PTPRA: variants seen among roughly 807,000 people sequenced by gnomAD.
PTPRA encodes receptor-type tyrosine-protein phosphatase alpha.
In PTPRA, 25 loss-of-function variants were observed where a neutral mutation model predicts 104.8. The observed-to-expected ratio is 0.24, with a 90% CI of 0.17 to 0.33. The LOEUF is 0.33. Ranked by LOEUF, PTPRA falls within the 10% of genes least tolerant of loss-of-function variation. PTPRA has a pLI of 1.00. For missense variants in PTPRA, 765 were observed against 1,015.3 expected (o/e 0.75, Z 3.35); for synonymous variants, 323 against 368.9 (o/e 0.88, Z 1.43).
rs71195806 is a variant in PTPRA at position 2,958,658 on chromosome 20, T to TAAA, written c.-6-5589_-6-5587dup. ...CAACATGGTGAAACCCCATCTCTAC[T>TAAA]AAAAAAAAAAAAAAAAAAAAAAAAA... On this transcript the variant is annotated intron_variant, in intron 3 of 23. Transcript: ENST00000399903. Among the ~76,000 whole-genome samples the TAAA allele has an allele frequency of 2.5e-3, 156 of 62,262 alleles. 5 individuals carry two copies. The highest frequency in any genetic ancestry group is 0.015 in the Middle Eastern group (1 of 68). 40.8% of individuals were successfully genotyped at this position (62,262 alleles called of 152,430 possible). A position where few individuals can be genotyped will look rare whatever the true frequency, so the allele number is the denominator to read the frequency against.
chr20:2,980,138 C>G (rs2062610460), intron 6 of PTPRA, among the ~76,000 whole-genome samples: 1 of 151,192 alleles, frequency 6.6e-6, no homozygotes, highest in Non-Finnish European at 1.5e-5. Context: ...TCTTAAACTA[C>G]CAACCTCAGG....
intron 11 of PTPRA, among the ~76,000 whole-genome samples, chr20:3,008,728 T>TC: frequency 1.6e-5 from 1 of 63,670 alleles, no homozygotes; most frequent in Non-Finnish European, 3.4e-5. Context: ...TCATCTCTAC[T>TC]AAAAAAAAAA....
intron 5 of PTPRA, among the ~76,000 whole-genome samples, chr20:2,970,232 A>G (rs2062129243): frequency 6.6e-6 from 1 of 152,170 alleles, no homozygotes; most frequent in Non-Finnish European, 1.5e-5. Context: ...GTCATTTCAG[A>G]CACATATGAG....
chr20:3,019,914 A>G (rs2064762014), intron 13 of PTPRA, among the ~76,000 whole-genome samples: 1 of 152,078 alleles, frequency 6.6e-6, no homozygotes, highest in Non-Finnish European at 1.5e-5. Flanking sequence ...TCCACCAAAA[A>G]AATACGAAAA....
chr20:2,938,996 G>A (rs2060806664), intron 2 of PTPRA, among the ~76,000 whole-genome samples: 1 of 152,098 alleles, frequency 6.6e-6, no homozygotes, highest in Non-Finnish European at 1.5e-5. Flanking sequence ...TGAGATTCTG[G>A]TTCCTGTTTA....
intron 1 of PTPRA, among the ~76,000 whole-genome samples, chr20:2,894,627 A>G (rs1275214169): frequency 6.6e-6 from 1 of 150,788 alleles, no homozygotes; most frequent in South Asian, 2.1e-4. Context: ...TTTTTAGCCC[A>G]CTGTGCTACC....
At chr20:3,029,871 G>A (rs1353359554) in intron 20 of PTPRA, among the ~76,000 whole-genome samples, 1 of 152,048 alleles carries the variant, frequency 6.6e-6, no homozygotes, top group East Asian at 1.9e-4. Context: ...TGGGAGGTTC[G>A]GTTAAGGTGC....
chr20:3,029,265 A>G (rs886881816), intron 20 of PTPRA, among the ~76,000 whole-genome samples: 3 of 150,324 alleles, frequency 2.0e-5, no homozygotes, highest in African/African-American at 7.3e-5. Flanking sequence ...ATAGCCCTCC[A>G]AGTAGCTAGG....
the PTPRA span, chr20:2,866,425 C>A: frequency 6.2e-7 from 1 of 1,614,144 alleles, no homozygotes; most frequent in Non-Finnish European, 8.5e-7. Context: ...TTGCTCAAAC[C>A]ACAGCGATGT....
chr20:3,030,667 C>T (rs1188364131), intron 20 of PTPRA, among the ~76,000 whole-genome samples: 2 of 144,530 alleles, frequency 1.4e-5, no homozygotes, highest in African/African-American at 5.1e-5. Flanking sequence ...TTTTAATTAT[C>T]TCCCTCTGCT....
chr20:2,938,373 A>G (rs558901441), intron 2 of PTPRA, among the ~76,000 whole-genome samples: 1 of 152,048 alleles, frequency 6.6e-6, no homozygotes, highest in East Asian at 1.9e-4. Context: ...TTTAGTACAG[A>G]TGGGGTTTCA....
At chr20:2,965,315 G>T in intron 5 of PTPRA, 113 bp downstream of exon 5, 1 of 1,077,044 alleles carries the variant, frequency 9.3e-7, no homozygotes, top group African/African-American at 1.6e-5. Flanking sequence ...AATTGCTCAA[G>T]TGAAGTAATG....
At chr20:2,913,403 A>G (rs755243904) in intron 1 of PTPRA, among the ~76,000 whole-genome samples, 9 of 152,084 alleles carry the variant, frequency 5.9e-5, no homozygotes, top group Non-Finnish European at 1.3e-4. Flanking sequence ...ATAAATCTGG[A>G]GTTTAATACC....
intron 1 of PTPRA, among the ~76,000 whole-genome samples, chr20:2,885,036 C>T (rs946582841): frequency 3.3e-5 from 5 of 152,064 alleles, no homozygotes; most frequent in Non-Finnish European, 5.9e-5. Flanking sequence ...GTCTCGACCT[C>T]GTGATCCGCC....
intron 1 of PTPRA, among the ~76,000 whole-genome samples, chr20:2,875,674 T>G (rs2089673593): frequency 6.6e-6 from 1 of 152,202 alleles, no homozygotes; most frequent in African/African-American, 2.4e-5. Flanking sequence ...CTATGTAATG[T>G]TTTCCATGAA....
At chr20:3,003,404 T>A (rs763614675) in intron 9 of PTPRA, among the ~76,000 whole-genome samples, 2 of 152,230 alleles carry the variant, frequency 1.3e-5, no homozygotes, top group Non-Finnish European at 2.9e-5. Context: ...AGATTTTTAT[T>A]TCCTAAGGGT....
chr20:2,939,138 T>G (rs2060811964), intron 2 of PTPRA, among the ~76,000 whole-genome samples: 1 of 152,168 alleles, frequency 6.6e-6, no homozygotes, highest in South Asian at 2.1e-4. Flanking sequence ...AGTCTGAAAT[T>G]TAGGTGTTAT....
At chr20:2,925,722 G>A (rs949392046) in intron 2 of PTPRA, among the ~76,000 whole-genome samples, 1 of 152,184 alleles carries the variant, frequency 6.6e-6, no homozygotes, top group Non-Finnish European at 1.5e-5. Flanking sequence ...GGCTGAGGCA[G>A]GAGAATCGCT....
chr20:2,918,581 C>T (rs1018352574), intron 1 of PTPRA, among the ~76,000 whole-genome samples: 16 of 152,178 alleles, frequency 1.1e-4, no homozygotes, highest in Admixed American at 1.0e-3. Flanking sequence ...GAGGGTCTGC[C>T]ATATCCACAA....
Sources: gnomAD v4.1 joint callset for allele counts (sites outside exome capture counted in the v4.1 genomes callset) on GRCh38, gnomAD v4.1.1 for gene constraint, MANE v1.5 for transcripts, NCBI Gene and HGNC (gene_info 2026-07-23, HGNC 2026-07-21) for gene names.